Variants in CFAP54 observed in about 807,000 individuals in gnomAD.
The protein encoded by CFAP54 is cilia and flagella associated protein 54.
A neutral mutation model predicts 370.4 loss-of-function variants in CFAP54; 290 were observed. The ratio of observed to expected loss-of-function variants is 0.78; its 90% CI spans 0.71 to 0.86. The LOEUF (loss-of-function observed/expected upper bound fraction) is 0.86. Among genes scored for constraint, CFAP54 ranks in the 40% least tolerant of loss-of-function variants. The pLI, the probability that CFAP54 is intolerant of heterozygous loss-of-function variation, is 0.00. For missense variants in CFAP54, 3,399 were observed against 3,528.7 expected, an observed-to-expected ratio of 0.96 and a Z score of 0.93; for synonymous variants, 1,206 against 1,236.5, an observed-to-expected ratio of 0.98 and a Z score of 0.52.
At chr12:96,785,110 C>A (rs544332491) in intron 61 of CFAP54, among the ~76,000 whole-genome samples, 1 of 152,246 alleles carries the variant, frequency 6.6e-6, no homozygotes, top group South Asian at 2.1e-4. Context: ...TATATTATTT[C>A]ATATGTTTAA....
chr12:96,643,161 T>C (rs1048998842), intron 32 of CFAP54, among the ~76,000 whole-genome samples: 2 of 152,182 alleles, frequency 1.3e-5, no homozygotes, highest in South Asian at 2.1e-4. Flanking sequence ...TTCACATTTA[T>C]TGGGAAACCA....
chr12:96,650,726 G>A (rs974979238), intron 35 of CFAP54, among the ~76,000 whole-genome samples: 9 of 152,122 alleles, frequency 5.9e-5, no homozygotes, highest in African/African-American at 2.2e-4. Context: ...TTCTAGATAA[G>A]AAAGGAAGAC....
intron 50 of CFAP54, among the ~76,000 whole-genome samples, chr12:96,733,542 GTTTT>G (rs35984233): frequency 0.033 from 4,601 of 139,058 alleles, 228 homozygotes; most frequent in African/African-American, 0.11. Flanking sequence ...AATCCTGTGG[GTTTT>G]TTTTTTTTTT....
At chr12:96,844,679 A>G (rs1959288722) in intron 66 of CFAP54, among the ~76,000 whole-genome samples, 1 of 152,156 alleles carries the variant, frequency 6.6e-6, no homozygotes, top group Non-Finnish European at 1.5e-5. Flanking sequence ...CTTTTTTTAC[A>G]TGTGAGAAAC....
intron 47 of CFAP54, among the ~76,000 whole-genome samples, chr12:96,707,263 A>ATT (rs35124690): frequency 1.7e-4 from 25 of 151,024 alleles, no homozygotes; most frequent in South Asian, 1.0e-3. Flanking sequence ...TTTAACTTGA[A>ATT]TTTTTTTTTT....
intron 19 of CFAP54, among the ~76,000 whole-genome samples, chr12:96,568,569 A>C (rs2136414446): frequency 6.6e-6 from 1 of 152,322 alleles, no homozygotes; most frequent in South Asian, 2.1e-4. Context: ...TTTTTAAAGA[A>C]GACAAATACA....
At chr12:96,597,329 T>C (rs1038121450) in intron 25 of CFAP54, among the ~76,000 whole-genome samples, 17 of 152,098 alleles carry the variant, frequency 1.1e-4, no homozygotes, top group African/African-American at 3.6e-4. Flanking sequence ...TGGGACACAG[T>C]GTTATGTACT....
At chr12:96,822,114 T>G (rs1959041923) in intron 65 of CFAP54, among the ~76,000 whole-genome samples, 1 of 152,196 alleles carries the variant, frequency 6.6e-6, no homozygotes, top group South Asian at 2.1e-4. Flanking sequence ...CCAATCACTG[T>G]TGGCTTGAAA....
chr12:96,544,410 AT>A (rs1955614745), intron 14 of CFAP54, among the ~76,000 whole-genome samples: 4 of 148,016 alleles, frequency 2.7e-5, no homozygotes, highest in African/African-American at 1.0e-4. Flanking sequence ...AAAACAGAAT[AT>A]CTCTCTCTCT....
At chr12:96,543,174 C>T (rs924257257) in intron 14 of CFAP54, among the ~76,000 whole-genome samples, 1 of 152,212 alleles carries the variant, frequency 6.6e-6, no homozygotes, top group African/African-American at 2.4e-5. Flanking sequence ...ACTTTTTGGG[C>T]TATAAAGATT....
At chr12:96,869,527 A>T (rs1327047133) in intron 67 of CFAP54, among the ~76,000 whole-genome samples, 1 of 152,208 alleles carries the variant, frequency 6.6e-6, no homozygotes. Context: ...CTGAGTCGAT[A>T]TGGGAATACT....
At chr12:96,720,038 ATGT>A (rs968759315) in intron 49 of CFAP54, among the ~76,000 whole-genome samples, 10 of 152,220 alleles carry the variant, frequency 6.6e-5, no homozygotes, top group African/African-American at 2.4e-4. Context: ...GTTAATGAAA[ATGT>A]TGTGACCAGA....
Position 96,630,216 on chromosome 12 carries a change from A to G in CFAP54, c.4215+12A>G, listed in dbSNP as rs1321106079. ...TGGAAATTGGAAGAGTAAGTTTCCT[A>G]TGAGTTTTGAATTTTAGGTAATGAA... On this transcript the variant is annotated intron_variant, in intron 31 of 67. Coordinates refer to ENST00000524981, the MANE Select transcript of CFAP54 (RefSeq NM_001306084.2). The G allele has an allele frequency of 6.8e-6, 9 of 1,319,968 alleles. No homozygotes were observed. In the African/African-American group the frequency reaches 1.3e-4, roughly 19 times the overall value. The allele number at this position is 1,319,968 out of a possible 1,614,324, so 81.8% of individuals were successfully genotyped here.
At chr12:96,740,477 A>G (rs1441121135) in intron 51 of CFAP54, among the ~76,000 whole-genome samples, 1 of 152,228 alleles carries the variant, frequency 6.6e-6, no homozygotes, top group Non-Finnish European at 1.5e-5. Context: ...CCTCATAGTT[A>G]GAATCTTGCA....
At chr12:96,542,434 A>G (rs1281467091) in intron 14 of CFAP54, among the ~76,000 whole-genome samples, 1 of 152,224 alleles carries the variant, frequency 6.6e-6, no homozygotes, top group Non-Finnish European at 1.5e-5. Flanking sequence ...TATTTCTGAA[A>G]TGTCCTGGAT....
At chr12:96,630,806 G>A (rs1349907956) in intron 32 of CFAP54, among the ~76,000 whole-genome samples, 155 bp downstream of exon 32, 1 of 151,904 alleles carries the variant, frequency 6.6e-6, no homozygotes, top group Non-Finnish European at 1.5e-5. Flanking sequence ...TAGTAAACAA[G>A]TAAACACCTA....
At position 96,785,484 on chromosome 12, in the gene CFAP54, C is replaced by T. The variant is rs375332534; in HGVS notation, c.8455+594C>T. 3.3e-5 allele frequency among the ~76,000 whole-genome samples: 5 copies of T among 152,182 alleles called. No homozygotes were observed. The East Asian group carries it at 9.6e-4, about 29-fold the overall frequency. On this transcript the variant is annotated intron_variant, in intron 61 of 67. Transcript: ENST00000524981. The stretch of plus-strand genomic sequence containing the variant: ...CAAACAGTCAGAAAAGACAATTTGA[C>T]CCATGCCAGGGCACAGTGATGGGGA...
intron 45 of CFAP54, among the ~76,000 whole-genome samples, chr12:96,694,511 A>G (rs928829453): frequency 6.6e-6 from 1 of 152,138 alleles, no homozygotes; most frequent in African/African-American, 2.4e-5. Context: ...ACGCGCACAC[A>G]CACACACACA....
intron 58 of CFAP54, among the ~76,000 whole-genome samples, chr12:96,760,489 T>G (rs893162769): frequency 3.3e-5 from 5 of 152,196 alleles, no homozygotes; most frequent in African/African-American, 1.2e-4. Context: ...TCTGTCTCTA[T>G]AGATTTGCCT....
Sources: allele counts gnomAD v4.1 joint callset (sites outside exome capture counted in the v4.1 genomes callset), GRCh38; gene constraint gnomAD v4.1.1; transcripts MANE v1.5; gene names NCBI Gene and HGNC (gene_info 2026-07-23, HGNC 2026-07-21).